Variants in PTPRM observed in about 807,000 individuals in gnomAD.
PTPRM encodes the protein protein tyrosine phosphatase receptor type M, also known as receptor-type tyrosine-protein phosphatase mu.
PTPRM carries 47 observed loss-of-function variants against 186.7 expected under a neutral mutation model. That is an observed-to-expected ratio of 0.25 (90% CI 0.20 to 0.32). The LOEUF (loss-of-function observed/expected upper bound fraction) is 0.32, where lower values mean the gene tolerates loss of function less well. Among genes scored for constraint, PTPRM ranks in the 10% least tolerant of loss-of-function variants. PTPRM has a pLI of 1.00. For missense variants in PTPRM, 1,494 were observed against 1,865.0 expected, an observed-to-expected ratio of 0.80 and a Z score of 3.66; for synonymous variants, 668 against 674.9, an observed-to-expected ratio of 0.99 and a Z score of 0.16.
chr18:7,573,094 C>A (rs1703867684), intron 1 of PTPRM, among the ~76,000 whole-genome samples: 1 of 152,022 alleles, frequency 6.6e-6, no homozygotes, highest in South Asian at 2.1e-4. Flanking sequence ...GCTGGCAAGG[C>A]CAGGGCATAA....
At chr18:7,877,948 C>G (rs1197315891) in intron 2 of PTPRM, among the ~76,000 whole-genome samples, 4 of 152,172 alleles carry the variant, frequency 2.6e-5, no homozygotes, top group Non-Finnish European at 5.9e-5. Context: ...TCTGTGGCCT[C>G]TGCTGTTGGG....
At chr18:8,038,745 A>G (rs2086506649) in intron 7 of PTPRM, among the ~76,000 whole-genome samples, 1 of 152,146 alleles carries the variant, frequency 6.6e-6, no homozygotes, top group Non-Finnish European at 1.5e-5. Flanking sequence ...TTATAGTCAC[A>G]GTGTTCATAG....
At chr18:8,154,015 A>T (rs2093067892) in intron 14 of PTPRM, among the ~76,000 whole-genome samples, 1 of 152,142 alleles carries the variant, frequency 6.6e-6, no homozygotes, top group Non-Finnish European at 1.5e-5. Flanking sequence ...GCTATTCTAG[A>T]AGTACCGCAT....
intron 11 of PTPRM, among the ~76,000 whole-genome samples, chr18:8,099,360 C>A (rs1476567796): frequency 2.0e-5 from 3 of 152,170 alleles, no homozygotes; most frequent in African/African-American, 7.2e-5. Flanking sequence ...CCAGGCCTGT[C>A]CTCTGATTTT....
intron 2 of PTPRM, among the ~76,000 whole-genome samples, chr18:7,822,851 T>TC (rs1410449856): frequency 6.6e-6 from 1 of 152,326 alleles, no homozygotes; most frequent in Non-Finnish European, 1.5e-5. Context: ...TCTCTTGTTT[T>TC]CACACTGCCT....
chr18:7,722,107 A>G (rs1023644655), intron 1 of PTPRM, among the ~76,000 whole-genome samples: 12 of 152,248 alleles, frequency 7.9e-5, no homozygotes, highest in Non-Finnish European at 1.6e-4. Context: ...AGTATCATAC[A>G]TAAAACAAGT....
At chr18:7,735,676 C>T (rs570048136) in intron 1 of PTPRM, among the ~76,000 whole-genome samples, 18 of 152,200 alleles carry the variant, frequency 1.2e-4, no homozygotes, top group African/African-American at 4.1e-4. Context: ...TTTCCCCTTG[C>T]AGTCCTTCCC....
At chr18:7,936,763 C>T (rs887204299) in intron 5 of PTPRM, among the ~76,000 whole-genome samples, 3 of 152,106 alleles carry the variant, frequency 2.0e-5, no homozygotes, top group African/African-American at 7.2e-5. Context: ...TTTTTGATGC[C>T]CACCCATGGC....
chr18:7,718,199 T>C (rs985331613), intron 1 of PTPRM, among the ~76,000 whole-genome samples: 4 of 152,190 alleles, frequency 2.6e-5, no homozygotes, highest in African/African-American at 9.7e-5. Flanking sequence ...AACGGCATGG[T>C]ACTGGTATAA....
intron 24 of PTPRM, among the ~76,000 whole-genome samples, chr18:8,374,108 G>A (rs976945256): frequency 8.5e-5 from 13 of 152,140 alleles, no homozygotes; most frequent in African/African-American, 2.7e-4. Flanking sequence ...ATCAGAAGCC[G>A]TTTCCTTTGC....
chr18:8,376,883 CT>C (rs2095699624), intron 26 of PTPRM: 1 of 318,542 alleles, frequency 3.1e-6, no homozygotes, highest in Admixed American at 4.6e-5. Context: ...AGTGCTCAGA[CT>C]TTCAATACCA....
intron 31 of PTPRM, 36 bp downstream of exon 31, chr18:8,387,271 C>A (rs754290696): frequency 2.5e-6 from 4 of 1,586,336 alleles, no homozygotes; most frequent in Non-Finnish European, 3.4e-6. Flanking sequence ...TTCAGAACAG[C>A]GAGGCCCCAC....
intron 1 of PTPRM, among the ~76,000 whole-genome samples, chr18:7,697,270 C>T (rs989908061): frequency 2.0e-5 from 3 of 152,166 alleles, no homozygotes; most frequent in African/African-American, 7.2e-5. Context: ...TGCCCATCAC[C>T]CATCTGGAGG....
At chr18:8,398,675 C>T (rs915618087) in intron 32 of PTPRM, among the ~76,000 whole-genome samples, 1 of 150,356 alleles carries the variant, frequency 6.7e-6, no homozygotes, top group Non-Finnish European at 1.5e-5. Context: ...GAGGCTGAGG[C>T]AGAAGAATCA....
intron 7 of PTPRM, among the ~76,000 whole-genome samples, chr18:8,045,782 T>C (rs947223622): frequency 6.6e-6 from 1 of 152,212 alleles, no homozygotes; most frequent in African/African-American, 2.4e-5. Context: ...CTAAAAACCA[T>C]TGAATTGTAC....
chr18:8,199,553 TCTC>T (rs1180780855), intron 14 of PTPRM, among the ~76,000 whole-genome samples: 1 of 149,256 alleles, frequency 6.7e-6, no homozygotes, highest in Non-Finnish European at 1.5e-5. Context: ...ATGCTCTAGG[TCTC>T]CTCAAGAAAA....
rs754309737 is a variant in PTPRM, at chr18:8,394,479, C to G, written c.4212C>G (p.Asn1404Lys). 3 of 1,607,634 alleles carry G rather than the reference C, an allele frequency of 1.9e-6. No individual in the cohort carries two copies. Among genetic ancestry groups the G allele is most frequent in the African/African-American group, 2.7e-5 (2 of 74,640 alleles). The change falls in exon 32 of 33, where the codon AAC becomes AAG. Residue 1404 changes from asparagine to lysine, a missense_variant. By Grantham distance (94) the Asn-to-Lys change is moderately conservative (BLOSUM62 0). Coordinates refer to ENST00000580170, the MANE Select transcript of PTPRM (RefSeq NM_001105244.2). ...CATCTGATCTTTTTCACGACAGGAA[C>G]GGGGGAGGCCGCAGTGGGACGTTCT... is the stretch of plus-strand genomic sequence containing the variant. Reference protein sequence around the residue: ...GEGRTVVHCLNGGGRSGTFCA... With the variant: ...GEGRTVVHCLKGGGRSGTFCA...
intron 2 of PTPRM, among the ~76,000 whole-genome samples, chr18:7,887,615 C>T (rs1178393367): frequency 1.3e-5 from 2 of 152,120 alleles, no homozygotes; most frequent in African/African-American, 2.4e-5. Flanking sequence ...CTGAGTATTG[C>T]TAACATGATG....
intron 14 of PTPRM, among the ~76,000 whole-genome samples, chr18:8,201,971 A>T (rs888056866): frequency 2.0e-5 from 3 of 152,218 alleles, no homozygotes; most frequent in African/African-American, 7.2e-5. Context: ...TGACAGAAAC[A>T]TTATCATGGA....
Sources: allele counts gnomAD v4.1 joint callset (sites outside exome capture counted in the v4.1 genomes callset), GRCh38; gene constraint gnomAD v4.1.1; transcripts MANE v1.5; gene names NCBI Gene and HGNC (gene_info 2026-07-23, HGNC 2026-07-21).